Variants in PARD3B observed in about 807,000 individuals in gnomAD.
The protein encoded by PARD3B is par-3 family cell polarity regulator beta.
A neutral mutation model predicts 130.2 loss-of-function variants in PARD3B; 103 were observed. The observed-to-expected ratio is 0.79, with a 90% CI of 0.67 to 0.93. PARD3B has a LOEUF of 0.93. Ranked by LOEUF, PARD3B falls within the 40% of genes least tolerant of loss-of-function variation. The pLI, the probability that PARD3B is intolerant of heterozygous loss-of-function variation, is 0.00. For synonymous variants in PARD3B, 583 were observed against 553.2 expected (o/e 1.05, Z -0.76); for missense variants, 1,609 against 1,499.2 (o/e 1.07, Z -1.21).
rs1015277102 is a variant in PARD3B at position 205,180,412 on chromosome 2, G to A, written c.1924+3835G>A. Among the ~76,000 whole-genome samples, 6 of 152,080 alleles carry A rather than the reference G, an allele frequency of 3.9e-5. No homozygotes were observed. The East Asian group carries it at 1.2e-3, about 29-fold the overall frequency. The stretch of plus-strand genomic sequence containing the variant: ...CATTTTATATTTAGGGAACTATTGG[G>A]AGTTCCTGAGTTTCAGATCCATGTC... On this transcript the variant is annotated intron_variant, in intron 13 of 22. Coordinates refer to ENST00000406610, the MANE Select transcript of PARD3B (RefSeq NM_001302769.2).
chr2:204,632,982 T>C lies in PARD3B; in HGVS notation c.121-53199T>C, dbSNP rs1439155340. Among the ~76,000 whole-genome samples, 7 of 152,330 alleles carry C rather than the reference T, an allele frequency of 4.6e-5. No homozygotes were observed. The East Asian group carries it at 1.2e-3, about 25-fold the overall frequency. On this transcript the variant is annotated intron_variant, in intron 1 of 22. Transcript: ENST00000406610. ...ATATTTTCTTTATCCATGCATGTGCTGATGGAGTCTTAGACTGATTCTGTA... is the reference window on the plus strand; with the variant it reads ...ATATTTTCTTTATCCATGCATGTGCCGATGGAGTCTTAGACTGATTCTGTA...
At chr2:205,010,765 T>A (rs536480450) in intron 3 of PARD3B, among the ~76,000 whole-genome samples, 1 of 152,332 alleles carries the variant, frequency 6.6e-6, no homozygotes, top group East Asian at 1.9e-4. Flanking sequence ...TTTAGCATCC[T>A]CTATTTATCC....
At chr2:205,607,550 T>C (rs532088815) in intron 22 of PARD3B, among the ~76,000 whole-genome samples, 1 of 152,230 alleles carries the variant, frequency 6.6e-6, no homozygotes, top group African/African-American at 2.4e-5. Flanking sequence ...CCTGGTAACA[T>C]TGTTATGAGG....
At chr2:204,804,594 AC>A (rs1392290545) in intron 2 of PARD3B, among the ~76,000 whole-genome samples, 1 of 152,224 alleles carries the variant, frequency 6.6e-6, no homozygotes, top group Non-Finnish European at 1.5e-5. Flanking sequence ...CAGAGTATCA[AC>A]AAAGAAACAC....
At chr2:205,402,539 C>A (rs148261341) in intron 19 of PARD3B, among the ~76,000 whole-genome samples, 1 of 152,114 alleles carries the variant, frequency 6.6e-6, no homozygotes, top group Non-Finnish European at 1.5e-5. Flanking sequence ...GGGAAAAAAA[C>A]TCTTAGTAGC....
At chr2:205,494,689 CCTCT>C (rs2049859830) in intron 20 of PARD3B, among the ~76,000 whole-genome samples, 1 of 152,090 alleles carries the variant, frequency 6.6e-6, no homozygotes, top group African/African-American at 2.4e-5. Flanking sequence ...TGCTAAATTC[CCTCT>C]GCCTTGAAAT....
At position 205,535,371 on chromosome 2, in the gene PARD3B, G is replaced by T. The variant is rs80309885; in HGVS notation, c.3181-17953G>T. On this transcript the variant is annotated intron_variant, in intron 21 of 22. Transcript: ENST00000406610. Reference sequence around the variant, plus strand: ...GGTTCCTTTCTCCATGCCAAAAGAAGATGTCATAGGACATTTCAAAACTAA... The same window carrying T: ...GGTTCCTTTCTCCATGCCAAAAGAATATGTCATAGGACATTTCAAAACTAA... Among the ~76,000 whole-genome samples, 851 of 152,222 alleles carry T rather than the reference G, an allele frequency of 5.6e-3. 6 individuals are homozygous for T. Among genetic ancestry groups the T allele is most frequent in the African/African-American group, 0.019 (805 of 41,534 alleles).
At chr2:204,908,518 G>A (rs1360518438) in intron 2 of PARD3B, among the ~76,000 whole-genome samples, 2 of 152,142 alleles carry the variant, frequency 1.3e-5, no homozygotes, top group Non-Finnish European at 2.9e-5. Context: ...CACATTGGGG[G>A]AAATCACTAC....
At chr2:204,712,619 AAAAAAAAC>A (rs2038508219) in intron 2 of PARD3B, among the ~76,000 whole-genome samples, 1 of 150,806 alleles carries the variant, frequency 6.6e-6, no homozygotes, top group Non-Finnish European at 1.5e-5. Context: ...ATCTCAAAAA[AAAAAAAAC>A]AAAAAAAAAA....
chr2:204,698,656 A>T lies in PARD3B; in HGVS notation c.222+12374A>T, dbSNP rs545037350. 3.3e-5 allele frequency among the ~76,000 whole-genome samples: 5 copies of T among 152,078 alleles called. No homozygotes were observed. In the South Asian group the frequency reaches 1.0e-3, roughly 32 times the overall value. Reference sequence around the variant, plus strand: ...TTATTCATTACTTCAAAAATTATGTATTGAGAGCCAATATTCTAGTGACTG... The same window carrying T: ...TTATTCATTACTTCAAAAATTATGTTTTGAGAGCCAATATTCTAGTGACTG... On this transcript the variant is annotated intron_variant, in intron 2 of 22. Transcript: ENST00000406610.
At chr2:205,232,676 A>G (rs981505355) in intron 15 of PARD3B, among the ~76,000 whole-genome samples, 1 of 152,208 alleles carries the variant, frequency 6.6e-6, no homozygotes, top group African/African-American at 2.4e-5. Flanking sequence ...AGGAAAATTG[A>G]TCATATTAAG....
In PARD3B at chr2:205,047,694, G is replaced by A. The variant is rs1222779927; in HGVS notation, c.504+4G>A. 3.3e-6 allele frequency: 5 copies of A among 1,519,946 alleles called. No individual in the cohort carries two copies. The highest frequency in any genetic ancestry group is 4.5e-6 in the Non-Finnish European group (5 of 1,118,780). The allele number at this position is 1,519,946 out of a possible 1,614,324, so 94.2% of individuals were successfully genotyped here. Reference sequence around the variant, plus strand: ...GAGTCTGAAACTGGTTGTTCCAGTAGGTATCCTGCTGCTTGTAGTTCTAAT... The same window carrying A: ...GAGTCTGAAACTGGTTGTTCCAGTAAGTATCCTGCTGCTTGTAGTTCTAAT... On this transcript the variant is annotated splice_donor_region_variant and intron_variant, in intron 4 of 22. Transcript: ENST00000406610.
At chr2:204,899,475 G>T (rs140443234) in intron 2 of PARD3B, among the ~76,000 whole-genome samples, 1 of 151,986 alleles carries the variant, frequency 6.6e-6, no homozygotes, top group South Asian at 2.1e-4. Flanking sequence ...CACTGATTGC[G>T]TAAGCATACA....
intron 1 of PARD3B, among the ~76,000 whole-genome samples, chr2:204,624,879 T>C (rs985214615): frequency 6.6e-6 from 1 of 152,184 alleles, no homozygotes; most frequent in Non-Finnish European, 1.5e-5. Flanking sequence ...AGTGTTTCTC[T>C]ATCCTCACCA....
chr2:205,509,468 T>C (rs1213022067), intron 21 of PARD3B, among the ~76,000 whole-genome samples: 1 of 152,110 alleles, frequency 6.6e-6, no homozygotes, highest in Non-Finnish European at 1.5e-5. Context: ...CTCCGCATCA[T>C]GGCACCCCAC....
chr2:205,271,353 G>A (rs970380761), intron 16 of PARD3B, among the ~76,000 whole-genome samples: 2 of 152,166 alleles, frequency 1.3e-5, no homozygotes, highest in Non-Finnish European at 2.9e-5. Flanking sequence ...GTGGATGATG[G>A]TGGGACACCC....
At chr2:205,159,667 A>C (rs2125714982) in intron 11 of PARD3B, among the ~76,000 whole-genome samples, 1 of 152,290 alleles carries the variant, frequency 6.6e-6, no homozygotes, top group Non-Finnish European at 1.5e-5. Context: ...GAAAACAATA[A>C]AGTGATGATA....
At chr2:205,180,450 G>A (rs143870047) in intron 13 of PARD3B, among the ~76,000 whole-genome samples, 18 of 152,158 alleles carry the variant, frequency 1.2e-4, no homozygotes, top group African/African-American at 4.3e-4. Context: ...GTGGTAACAG[G>A]CCACTAAGGC....
chr2:205,444,857 A>G (rs2047851206), intron 20 of PARD3B, among the ~76,000 whole-genome samples: 1 of 152,238 alleles, frequency 6.6e-6, no homozygotes, highest in Non-Finnish European at 1.5e-5. Context: ...CAGAGAGCTC[A>G]GTGGAATAAG....
Sources: gnomAD v4.1 joint callset for allele counts (sites outside exome capture counted in the v4.1 genomes callset) on GRCh38, gnomAD v4.1.1 for gene constraint, MANE v1.5 for transcripts, NCBI Gene and HGNC (gene_info 2026-07-23, HGNC 2026-07-21) for gene names.